Variants in NAP1L4 observed in about 807,000 individuals in gnomAD.
The protein encoded by NAP1L4 is nucleosome assembly protein 1 like 4.
Under a neutral mutation model 58.2 loss-of-function variants are expected in NAP1L4, and 15 were observed. The observed-to-expected ratio is 0.26, with a 90% CI of 0.17 to 0.40. NAP1L4 has a LOEUF of 0.40. Among genes scored for constraint, NAP1L4 ranks in the 10% least tolerant of loss-of-function variants. NAP1L4 has a pLI of 1.00. For missense variants in NAP1L4, 384 were observed against 451.1 expected (o/e 0.85, Z 1.35); for synonymous variants, 171 against 155.6 (o/e 1.10, Z -0.74).
At position 2,959,751 on chromosome 11, in the gene NAP1L4, T is replaced by C. The variant is rs1846746022; in HGVS notation, c.746+19A>G. Reference sequence around the variant, plus strand: ...TTGATTTTGTTTCAGAAAAACAAGGTAGAATGACATTTTCTTACCCGTCAC... The same window carrying C: ...TTGATTTTGTTTCAGAAAAACAAGGCAGAATGACATTTTCTTACCCGTCAC... On this transcript the variant is annotated intron_variant, in intron 9 of 15. Coordinates refer to ENST00000380542, the MANE Select transcript of NAP1L4 (RefSeq NM_005969.4). This position sits in a 1 kb window ranked among gnomAD's most constrained non-coding sequence, Gnocchi z 4.9. 1.2e-6 allele frequency: 2 copies of C among 1,609,304 alleles called. No homozygotes were observed. Among genetic ancestry groups the C allele is most frequent in the Non-Finnish European group, 1.7e-6 (2 of 1,178,440 alleles).
Position 2,951,210 on chromosome 11 carries a change from TA to T in NAP1L4, c.1122+48del. 6.9e-7 allele frequency: 1 copy of T among 1,449,782 alleles called. No homozygotes were observed. Among genetic ancestry groups the T allele is most frequent in the Non-Finnish European group, 9.7e-7 (1 of 1,035,208 alleles). 89.8% of individuals were successfully genotyped at this position (1,449,782 alleles called of 1,614,324 possible). ...AAAGTGGGGAACATTTTTAAAAGTC[TA>T]AGAGTGCAGCATAATAAGTAGGTCT... On this transcript the variant is annotated intron_variant, in intron 14 of 15. Transcript: ENST00000380542. The surrounding 1 kb of genome is among the most constrained non-coding windows in gnomAD (Gnocchi z 4.0).
rs769631205 is a variant in NAP1L4 at position 2,951,309 on chromosome 11, C to G, written c.1072G>C (p.Glu358Gln). Residue 358 changes from glutamate to glutamine, a missense_variant, in exon 14 of 16, where the codon GAA becomes CAA. Glu to Gln is a conservative substitution (Grantham distance 29, BLOSUM62 2). This residue lies in a region of NAP1L4 where 296 missense variants were observed against 360.8 expected (regional missense o/e 0.82). Transcript: ENST00000380542. The surrounding 1 kb of genome is among the most constrained non-coding windows in gnomAD (Gnocchi z 4.0). ...EGEEGEEEEL[E>Q]GDEEGEDEDD... ...TCGTCTTCTCCCTCCTCGTCACCTT[C>G]TAATTCCTGTATTTAAAAAGTGAGA... The G allele has an allele frequency of 2.7e-5, 44 of 1,613,750 alleles. No individual in the cohort carries two copies. In the South Asian group the frequency reaches 2.7e-4, roughly 10 times the overall value.
intron 8 of NAP1L4, chr11:2,964,013 G>A: frequency 4.5e-6 from 2 of 444,654 alleles, no homozygotes; most frequent in Non-Finnish European, 9.0e-6. Flanking sequence ...CTGGTAGGCT[G>A]ATCCATGCCA....
chr11:2,977,374 G>C (rs1020195486), intron 3 of NAP1L4, among the ~76,000 whole-genome samples: 1 of 152,228 alleles, frequency 6.6e-6, no homozygotes, highest in African/African-American at 2.4e-5. Flanking sequence ...AACGACCACT[G>C]CATCATGTTA....
intron 1 of NAP1L4, among the ~76,000 whole-genome samples, chr11:2,979,979 T>C (rs1009419655): frequency 2.0e-5 from 3 of 152,192 alleles, no homozygotes; most frequent in African/African-American, 7.2e-5. Flanking sequence ...ATTTTCTAAT[T>C]GCATTTGTTT....
chr11:2,947,636 C>T (rs758897223), intron 15 of NAP1L4, among the ~76,000 whole-genome samples: 33 of 151,858 alleles, frequency 2.2e-4, no homozygotes, highest in Non-Finnish European at 4.1e-4. Context: ...AAAAACTACA[C>T]CTAAACTCCC....
In NAP1L4 at chr11:2,944,968, C is replaced by A. The variant is rs1271912486; in HGVS notation, c.*711G>T. On this transcript the variant is annotated 3_prime_UTR_variant, in exon 16 of 16. Transcript: ENST00000380542. ...AGCGAAAAGCCGCAGTCCTCACAGGCAAGAAGGGATAAATAAATATGAGGT... is the reference window on the plus strand; with the variant it reads ...AGCGAAAAGCCGCAGTCCTCACAGGAAAGAAGGGATAAATAAATATGAGGT... The A allele has an allele frequency of 6.6e-6, 1 of 151,710 alleles. No individual in the cohort carries two copies. Among genetic ancestry groups the A allele is most frequent in the Non-Finnish European group, 1.5e-5 (1 of 68,010 alleles). 9.4% of individuals were successfully genotyped at this position (151,710 alleles called of 1,614,324 possible).
chr11:2,958,438 G>A lies in NAP1L4; in HGVS notation c.853C>T (p.Pro285Ser). ...GTVRTITKQV[P>S]NESFFNFFNP... ...AAGAAGTTGAAAAAGGACTCATTGG[G>A]TACTTGTTTCGTAATTGTTCTAACA... Residue 285 changes from proline (P) to serine (S), a missense_variant, in exon 10 of 16, where the codon CCC becomes TCC. Physicochemically the swap from Pro to Ser is moderately conservative, Grantham distance 74. Transcript: ENST00000380542. 6.2e-7 allele frequency: 1 copy of A among 1,614,156 alleles called. No individual in the cohort carries two copies. Among genetic ancestry groups the A allele is most frequent in the Non-Finnish European group, 8.5e-7 (1 of 1,180,010 alleles).
intron 3 of NAP1L4, 84 bp from the exon 4 acceptor site, chr11:2,976,207 T>C: frequency 2.1e-6 from 2 of 961,754 alleles, no homozygotes; most frequent in Non-Finnish European, 3.1e-6. Context: ...ACATATCTAC[T>C]TAGCTTTGCC....
intron 8 of NAP1L4, chr11:2,963,977 T>C (rs1050981216): frequency 2.0e-6 from 1 of 492,736 alleles, no homozygotes; most frequent in Non-Finnish European, 4.1e-6. Context: ...AAGTAAGGGC[T>C]GACCTAGTCA....
chr11:2,978,677 G>A (rs1022253997), intron 2 of NAP1L4, among the ~76,000 whole-genome samples: 4 of 152,000 alleles, frequency 2.6e-5, no homozygotes, highest in Admixed American at 6.6e-5. Context: ...ATCAACCAAC[G>A]AACATGTTAC....
At chr11:2,966,323 C>A (rs984939781) in intron 7 of NAP1L4, among the ~76,000 whole-genome samples, 3 of 152,182 alleles carry the variant, frequency 2.0e-5, no homozygotes, top group African/African-American at 7.2e-5. Flanking sequence ...TCTGAAAACA[C>A]GCACTAAATT....
intron 8 of NAP1L4, among the ~76,000 whole-genome samples, chr11:2,961,800 G>A (rs1166111969): frequency 1.3e-5 from 2 of 152,120 alleles, no homozygotes; most frequent in Non-Finnish European, 2.9e-5. Context: ...CTAAAGTGCT[G>A]GGATTACAGG....
Position 2,991,975 on chromosome 11 carries a change from C to G in NAP1L4, c.-18+279G>C, listed in dbSNP as rs1444634065. On this transcript the variant is annotated intron_variant, in intron 1 of 15. Coordinates refer to ENST00000380542, the MANE Select transcript of NAP1L4 (RefSeq NM_005969.4). ...GCGGCGCAGAACAAAGCGCCTTGACCTTCAGTGAGGCGGGCAGCCGGGCGA... is the reference window on the plus strand; with the variant it reads ...GCGGCGCAGAACAAAGCGCCTTGACGTTCAGTGAGGCGGGCAGCCGGGCGA... 72 of 152,122 alleles carry G rather than the reference C, an allele frequency of 4.7e-4. 1 individual carries two copies. Among genetic ancestry groups the G allele is most frequent in the Admixed American group, 4.7e-3 (72 of 15,280 alleles). The allele number at this position is 152,122 out of a possible 1,614,324, so 9.4% of individuals were successfully genotyped here.
intron 15 of NAP1L4, among the ~76,000 whole-genome samples, chr11:2,945,937 C>G (rs1519): frequency 0.82 from 125,432 of 152,044 alleles, 52,001 homozygotes; most frequent in East Asian, 0.91. Flanking sequence ...GCTCCAGGGG[C>G]CTGCCCATGA....
Position 2,944,440 on chromosome 11 carries a change from A to G in NAP1L4, c.*1239T>C, listed in dbSNP as rs1204535224. 6.6e-6 allele frequency: 1 copy of G among 152,272 alleles called. No individual in the cohort carries two copies. The highest frequency in any genetic ancestry group is 1.5e-5 in the Non-Finnish European group (1 of 68,054). 9.4% of individuals were successfully genotyped at this position (152,272 alleles called of 1,614,324 possible). On this transcript the variant is annotated 3_prime_UTR_variant, in exon 16 of 16. Transcript: ENST00000380542. ...ACCCACATGGCACAGTGCTGACTCA[A>G]TGTTTCACCACTTTAATAGAATATT...
chr11:2,972,245 T>TA lies in NAP1L4; in HGVS notation c.174-3dup. On this transcript the variant is annotated splice_polypyrimidine_tract_variant and splice_region_variant and intron_variant, in intron 4 of 15. Transcript: ENST00000380542. Reference sequence around the variant, plus strand: ...CTTCTTTTTACTGCTTTAGGTAAACTAAAAAAGGGAGTAAGAAATACAACA... The same window carrying TA: ...CTTCTTTTTACTGCTTTAGGTAAACTAAAAAAAGGGAGTAAGAAATACAACA... 3.8e-6 allele frequency: 6 copies of TA among 1,595,788 alleles called. No homozygotes were observed. Among genetic ancestry groups the TA allele is most frequent in the Non-Finnish European group, 5.1e-6 (6 of 1,174,672 alleles).
chr11:2,945,494 A>C lies in NAP1L4; in HGVS notation c.*185T>G. ...GAAAGTGAAAATCATGCACTTGAAA[A>C]CGAGTTAGATGGAGTAAGCTCTGTC... On this transcript the variant is annotated 3_prime_UTR_variant, in exon 16 of 16. Coordinates refer to ENST00000380542, the MANE Select transcript of NAP1L4 (RefSeq NM_005969.4). 1.1e-6 allele frequency: 1 copy of C among 880,962 alleles called. No individual in the cohort carries two copies. The highest frequency in any genetic ancestry group is 1.7e-6 in the Non-Finnish European group (1 of 592,928). 54.6% of individuals were successfully genotyped at this position (880,962 alleles called of 1,614,324 possible).
intron 12 of NAP1L4, chr11:2,952,896 C>T: frequency 6.6e-6 from 1 of 152,286 alleles, no homozygotes; most frequent in Non-Finnish European, 1.5e-5. Flanking sequence ...CCCACATTCA[C>T]CTCCTCCTCC....
Sources: allele counts gnomAD v4.1 joint callset (sites outside exome capture counted in the v4.1 genomes callset), GRCh38; gene constraint gnomAD v4.1.1; regional missense constraint gnomAD v4.1.1; non-coding constraint Gnocchi (gnomAD v3.1); transcripts MANE v1.5; gene names NCBI Gene and HGNC (gene_info 2026-07-23, HGNC 2026-07-21).